CACNA2D3: variants seen among roughly 807,000 people sequenced by gnomAD.
CACNA2D3 encodes voltage-dependent calcium channel subunit alpha-2/delta-3.
CACNA2D3 carries 60 observed loss-of-function variants against 160.6 expected under a neutral mutation model. The observed-to-expected ratio is 0.37, with a 90% confidence interval of 0.30 to 0.46. The LOEUF (loss-of-function observed/expected upper bound fraction) is 0.46. Among genes scored for constraint, CACNA2D3 ranks in the 20% least tolerant of loss-of-function variants. CACNA2D3 has a pLI of 1.00. For missense variants in CACNA2D3, 1,205 were observed against 1,365.0 expected, an observed-to-expected ratio of 0.88 and a Z score of 1.85; for synonymous variants, 558 against 492.9, an observed-to-expected ratio of 1.13 and a Z score of -1.75.
intron 4 of CACNA2D3, among the ~76,000 whole-genome samples, chr3:54,406,200 A>G (rs1699573075): frequency 6.6e-6 from 1 of 152,120 alleles, no homozygotes. Context: ...CTGGGTATAT[A>G]CTCAAAGGAA....
At chr3:55,066,036 G>A (rs1243153661) in intron 35 of CACNA2D3, among the ~76,000 whole-genome samples, 1 of 152,142 alleles carries the variant, frequency 6.6e-6, no homozygotes, top group Non-Finnish European at 1.5e-5. Flanking sequence ...AAATAATTAA[G>A]CTTTCCTTTT....
intron 29 of CACNA2D3, among the ~76,000 whole-genome samples, chr3:54,984,383 G>A (rs1330569372): frequency 3.3e-5 from 5 of 151,828 alleles, no homozygotes; most frequent in East Asian, 1.9e-4. Flanking sequence ...TTCAAGACTC[G>A]TTCAGTCTTT....
chr3:54,836,238 T>G (rs12631238), intron 14 of CACNA2D3, among the ~76,000 whole-genome samples: 25,353 of 140,822 alleles, frequency 0.18, 2,371 homozygotes, highest in East Asian at 0.21. Context: ...TTTTTTTTTT[T>G]TTTGTTTTTG....
rs58291013 is a variant in CACNA2D3, at chr3:54,829,885, C to CTTTTTTTT, written c.1399-7254_1399-7247dup. 6.2e-4 allele frequency among the ~76,000 whole-genome samples: 40 copies of CTTTTTTTT among 64,354 alleles called. 2 individuals are homozygous for CTTTTTTTT. Among genetic ancestry groups the CTTTTTTTT allele is most frequent in the Non-Finnish European group, 7.9e-4 (28 of 35,414 alleles). 42.2% of individuals were successfully genotyped at this position (64,354 alleles called of 152,430 possible). ...CATATCTTTTCTTCTTCTTCTTCAT[C>CTTTTTTTT]TTTTTTTTTTTTTTTTTTTTTTTTT... On this transcript the variant is annotated intron_variant, in intron 14 of 37. Coordinates refer to ENST00000474759, the MANE Select transcript of CACNA2D3 (RefSeq NM_018398.3).
intron 11 of CACNA2D3, among the ~76,000 whole-genome samples, chr3:54,731,720 T>C (rs953726947): frequency 6.6e-6 from 1 of 152,006 alleles, no homozygotes; most frequent in Non-Finnish European, 1.5e-5. Flanking sequence ...AAAATTTTGG[T>C]TCTTAGCGGC....
chr3:54,174,946 C>G (rs901976674), intron 2 of CACNA2D3, among the ~76,000 whole-genome samples: 6 of 152,162 alleles, frequency 3.9e-5, no homozygotes, highest in African/African-American at 7.2e-5. Context: ...TGGTTTCTGC[C>G]TCATTTGCTG....
In CACNA2D3 at chr3:55,074,350, C is replaced by G. The variant is rs146267223; in HGVS notation, c.*144C>G. Reference sequence around the variant, plus strand: ...CATCTCATCATGATTTTAAACTGTGCGTGATATAAACTCTTAAAGATATGT... The same window carrying G: ...CATCTCATCATGATTTTAAACTGTGGGTGATATAAACTCTTAAAGATATGT... On this transcript the variant is annotated 3_prime_UTR_variant, in exon 38 of 38. Coordinates refer to ENST00000474759, the MANE Select transcript of CACNA2D3 (RefSeq NM_018398.3). 1 of 673,580 alleles carries G rather than the reference C, an allele frequency of 1.5e-6. No individual in the cohort carries two copies. The highest frequency in any genetic ancestry group is 2.6e-6 in the Non-Finnish European group (1 of 378,316). The allele number at this position is 673,580 out of a possible 1,614,324, so 41.7% of individuals were successfully genotyped here. A position where few individuals can be genotyped will look rare whatever the true frequency, so the allele number is the denominator to read the frequency against.
chr3:54,722,830 G>A (rs932783246), intron 11 of CACNA2D3, among the ~76,000 whole-genome samples: 6 of 152,168 alleles, frequency 3.9e-5, no homozygotes, highest in African/African-American at 1.4e-4. Flanking sequence ...GTGTCTGTCA[G>A]CCCCTACTGA....
intron 27 of CACNA2D3, chr3:54,924,467 T>C (rs867866796): frequency 4.7e-6 from 3 of 642,908 alleles, no homozygotes; most frequent in Non-Finnish European, 5.4e-6. Flanking sequence ...CTCACTTGAC[T>C]CTTTTGCCAT....
chr3:54,381,038 C>A (rs1699095097), intron 3 of CACNA2D3, among the ~76,000 whole-genome samples: 1 of 151,814 alleles, frequency 6.6e-6, no homozygotes, highest in Non-Finnish European at 1.5e-5. Context: ...GTATTCATTC[C>A]AGAAAAAAAG....
At chr3:54,980,768 CAAAG>C (rs1464251002) in intron 29 of CACNA2D3, among the ~76,000 whole-genome samples, 1 of 152,106 alleles carries the variant, frequency 6.6e-6, no homozygotes, top group African/African-American at 2.4e-5. Context: ...TTTCAAAAAT[CAAAG>C]AAGCAGTTTA....
intron 13 of CACNA2D3, among the ~76,000 whole-genome samples, chr3:54,805,981 G>A (rs574168100): frequency 1.8e-3 from 277 of 152,118 alleles, no homozygotes; most frequent in African/African-American, 6.1e-3. Context: ...ATGCAGAAAA[G>A]GCCTTTGACA....
At position 54,656,986 on chromosome 3, in the gene CACNA2D3, G is replaced by A. The variant is rs1011539705; in HGVS notation, c.1167+14745G>A. On this transcript the variant is annotated intron_variant, in intron 11 of 37. Coordinates refer to ENST00000474759, the MANE Select transcript of CACNA2D3 (RefSeq NM_018398.3). ...TTTCACCTGGGTGCAGGTGGGCTGA[G>A]TCCGAAAAGAGTCAGCCAAGGGAGA... Among the ~76,000 whole-genome samples the A allele has an allele frequency of 4.6e-5, 7 of 151,984 alleles. 1 individual carries two copies.
chr3:54,156,902 G>T (rs2107290815), intron 2 of CACNA2D3, among the ~76,000 whole-genome samples: 1 of 152,274 alleles, frequency 6.6e-6, no homozygotes, highest in Middle Eastern at 3.4e-3. Flanking sequence ...TGTGAGATGA[G>T]AAATGATCAT....
chr3:54,604,273 T>C (rs1703118197), intron 9 of CACNA2D3, among the ~76,000 whole-genome samples: 2 of 152,150 alleles, frequency 1.3e-5, no homozygotes, highest in Admixed American at 6.5e-5. Flanking sequence ...GCAAGAGTGA[T>C]GAAGTCCCTT....
intron 14 of CACNA2D3, among the ~76,000 whole-genome samples, chr3:54,830,510 A>G (rs2106744344): frequency 6.7e-6 from 1 of 149,284 alleles, no homozygotes; most frequent in South Asian, 2.1e-4. Flanking sequence ...GCACAATGGC[A>G]CGATATCGGT....
At chr3:54,800,086 A>G (rs553463619) in intron 13 of CACNA2D3, among the ~76,000 whole-genome samples, 26 of 152,326 alleles carry the variant, frequency 1.7e-4, no homozygotes, top group African/African-American at 6.0e-4. Flanking sequence ...AGCAGTCACA[A>G]TGTTGAAAAG....
At chr3:55,001,668 T>TGCA (rs764427037) in intron 31 of CACNA2D3, among the ~76,000 whole-genome samples, 6 of 152,224 alleles carry the variant, frequency 3.9e-5, no homozygotes, top group Non-Finnish European at 7.3e-5. Context: ...TTGGGAACAG[T>TGCA]GCAGCTTTAA....
At chr3:54,654,989 G>A (rs1302657147) in intron 11 of CACNA2D3, among the ~76,000 whole-genome samples, 2 of 152,174 alleles carry the variant, frequency 1.3e-5, no homozygotes, top group Non-Finnish European at 2.9e-5. Flanking sequence ...AAGCAGAAAC[G>A]TGGTTTGCAG....
Sources: gnomAD v4.1 joint callset for allele counts (sites outside exome capture counted in the v4.1 genomes callset) on GRCh38, gnomAD v4.1.1 for gene constraint, MANE v1.5 for transcripts, NCBI Gene and HGNC (gene_info 2026-07-23, HGNC 2026-07-21) for gene names.